TAB3: variants seen among roughly 807,000 people sequenced by gnomAD.
TAB3 encodes TGF-beta activated kinase 1 (MAP3K7) binding protein 3, also known as TGF-beta-activated kinase 1 and MAP3K7-binding protein 3.
TAB3 carries 18 observed loss-of-function variants against 48.1 expected under a neutral mutation model. The observed-to-expected ratio is 0.37, with a 90% confidence interval of 0.26 to 0.55. The LOEUF is 0.55. TAB3 is among the 20% of genes least tolerant of loss of function. The pLI, the probability that TAB3 is intolerant of heterozygous loss-of-function variation, is 0.78. For missense variants in TAB3, 414 were observed against 549.8 expected (o/e 0.75, Z 2.47); for synonymous variants, 185 against 190.2 (o/e 0.97, Z 0.22).
Position 30,855,515 on chromosome X carries a change from A to G in TAB3, c.150T>C (p.Ser50=). ...EACCRALSQE[S]SKYLYMEYHS... is the part of the protein sequence containing the mutation. ...GGTATTCCATATATAAGTATTTGCT[A>G]CTCTCCTGGGAAAGGGCTCGGCAAC... Residue 50 remains serine (S), a synonymous_variant, in exon 6 of 11, where the codon AGT becomes AGC. Transcript: ENST00000288422. 8.3e-7 allele frequency: 1 copy of G among 1,204,582 alleles called. No individual in the cohort carries two copies. The highest frequency in any genetic ancestry group is 1.1e-6 in the Non-Finnish European group (1 of 891,648).
At chrX:30,883,824 A>G (rs1332583491) in intron 1 of TAB3, among the ~76,000 whole-genome samples, 1 of 111,589 alleles carries the variant, frequency 9.0e-6, no homozygotes, top group Non-Finnish European at 1.9e-5. Context: ...TCTGAACACT[A>G]TTATGTGACA....
chrX:30,843,558 G>C (rs1431138872), intron 8 of TAB3: 1 of 111,983 alleles, frequency 8.9e-6, no homozygotes, highest in African/African-American at 3.2e-5. Context: ...GTTATATTTT[G>C]AGACTACTAA....
intron 7 of TAB3, among the ~76,000 whole-genome samples, chrX:30,850,785 CTTTTTT>C (rs756585121): frequency 2.1e-5 from 2 of 93,461 alleles, no homozygotes; most frequent in African/African-American, 3.9e-5. Flanking sequence ...GGGCTTTTTT[CTTTTTT>C]TTTTTTTTAG....
chrX:30,868,374 A>T (rs767554584), intron 2 of TAB3, among the ~76,000 whole-genome samples: 2,745 of 19,598 alleles, frequency 0.14, 1,057 homozygotes, highest in African/African-American at 0.31. Context: ...TATATAGCTT[A>T]TATATATATA....
At chrX:30,863,954 C>A (rs968292254) in intron 4 of TAB3, among the ~76,000 whole-genome samples, 3 of 112,357 alleles carry the variant, frequency 2.7e-5, no homozygotes, top group African/African-American at 9.7e-5. Flanking sequence ...ATAATCTATT[C>A]TTGTCCAAAT....
chrX:30,839,315 C>A (rs1368962392), intron 9 of TAB3, among the ~76,000 whole-genome samples: 2 of 111,659 alleles, frequency 1.8e-5, no homozygotes, highest in African/African-American at 3.3e-5. Flanking sequence ...TTTTTTAATG[C>A]CTATACCAAG....
intron 7 of TAB3, among the ~76,000 whole-genome samples, chrX:30,852,381 T>TAA (rs1316916720): frequency 3.6e-5 from 4 of 112,030 alleles, no homozygotes; most frequent in Non-Finnish European, 7.5e-5. Flanking sequence ...TTAATGTACT[T>TAA]ACAAAAATAA....
At chrX:30,844,927 T>TC (rs1938573119) in intron 8 of TAB3, 1 of 112,684 alleles carries the variant, frequency 8.9e-6, no homozygotes, top group Admixed American at 9.4e-5. Flanking sequence ...GCTCAGGTGA[T>TC]CCTCCTGCCT....
chrX:30,879,312 G>C (rs1377417224), intron 1 of TAB3, among the ~76,000 whole-genome samples: 2 of 111,785 alleles, frequency 1.8e-5, no homozygotes, highest in Admixed American at 9.5e-5. Context: ...CATTTTACAA[G>C]GCTACTAAAG....
chrX:30,850,785 C>CT (rs756585121), intron 7 of TAB3, among the ~76,000 whole-genome samples: 19,682 of 93,371 alleles, frequency 0.21, 1,772 homozygotes, highest in Admixed American at 0.32. Context: ...GGGCTTTTTT[C>CT]TTTTTTTTTT....
intron 5 of TAB3, 120 bp downstream of exon 5, chrX:30,859,367 C>T: frequency 2.0e-6 from 1 of 493,510 alleles, no homozygotes; most frequent in Middle Eastern, 5.6e-4. Context: ...GCTCCACACA[C>T]ACACACACAC....
chrX:30,863,791 G>C (rs757164866), intron 4 of TAB3, among the ~76,000 whole-genome samples: 11 of 111,893 alleles, frequency 9.8e-5, no homozygotes, highest in African/African-American at 3.6e-4. Context: ...AGTGACATAA[G>C]AATGGCCTAA....
rs1601989622 is a variant in TAB3 at position 30,827,854 on chromosome X, G to A, written c.*3573C>T. 8.9e-6 allele frequency: 1 copy of A among 112,510 alleles called. No individual in the cohort carries two copies. The highest frequency in any genetic ancestry group is 2.8e-4 in the East Asian group (1 of 3,599). The allele number at this position is 112,510 out of a possible 1,213,427, so 9.3% of individuals were successfully genotyped here. A position where few individuals can be genotyped will look rare whatever the true frequency, so the allele number is the denominator to read the frequency against. On this transcript the variant is annotated 3_prime_UTR_variant, in exon 11 of 11. Transcript: ENST00000288422. ...AATAATACAGGAAAAAAAGTCTGGT[G>A]AATGTGAAAACGTCATCAGAATTAA...
chrX:30,845,878 T>A, intron 8 of TAB3: 1 of 710,674 alleles, frequency 1.4e-6, no homozygotes, highest in Non-Finnish European at 1.8e-6. Context: ...GGGGACAGAA[T>A]CAACTCTTGG....
chrX:30,853,915 TC>T (rs1377458118), intron 6 of TAB3, among the ~76,000 whole-genome samples, 200 bp downstream of exon 6: 1 of 112,386 alleles, frequency 8.9e-6, no homozygotes, highest in African/African-American at 3.2e-5. Flanking sequence ...CCTCAGGTGA[TC>T]CACCTGCCTC....
At chrX:30,873,187 G>C (rs1263683088) in intron 1 of TAB3, among the ~76,000 whole-genome samples, 1 of 112,091 alleles carries the variant, frequency 8.9e-6, no homozygotes, top group African/African-American at 3.2e-5. Flanking sequence ...GGTGACCCTT[G>C]AACAGCACAG....
intron 9 of TAB3, chrX:30,835,665 T>C (rs1938181183): frequency 8.9e-6 from 1 of 112,025 alleles, no homozygotes; most frequent in Non-Finnish European, 1.9e-5. Context: ...TGTTATGAGT[T>C]ACTAATAAGG....
chrX:30,870,180 T>C (rs1426757821), intron 2 of TAB3, among the ~76,000 whole-genome samples: 1 of 112,364 alleles, frequency 8.9e-6, no homozygotes, highest in Non-Finnish European at 1.9e-5. Context: ...TTCTGTGTGA[T>C]TTCTCTCAAG....
In TAB3 at chrX:30,830,920, C is replaced by CCA. The variant is rs200299443; in HGVS notation, c.*506_*507insTG. On this transcript the variant is annotated 3_prime_UTR_variant, in exon 11 of 11. Transcript: ENST00000288422. ...ATACCCTTAATTAATTTGCCCCCCC[C>CCA]CCCCAAATATTCTAGGTGCTTTTTC... is the stretch of plus-strand genomic sequence containing the variant. 1.2e-5 allele frequency: 1 copy of CCA among 83,335 alleles called. No individual in the cohort carries two copies. Among genetic ancestry groups the CCA allele is most frequent in the African/African-American group, 4.1e-5 (1 of 24,363 alleles). The allele number at this position is 83,335 out of a possible 1,213,427, so 6.9% of individuals were successfully genotyped here.
Sources: gnomAD v4.1 joint callset for allele counts (sites outside exome capture counted in the v4.1 genomes callset) on GRCh38, gnomAD v4.1.1 for gene constraint, MANE v1.5 for transcripts, NCBI Gene and HGNC (gene_info 2026-07-23, HGNC 2026-07-21) for gene names.